The following MASP2 variants were observed in gnomAD, a reference collection of about 807,000 sequenced individuals.
The protein encoded by MASP2 is MBL associated serine protease 2, also known as mannan-binding lectin serine protease 2.
In MASP2, 49 loss-of-function variants were observed where a neutral mutation model predicts 57.1. The observed-to-expected ratio is 0.86, with a 90% CI of 0.68 to 1.09. MASP2 has a LOEUF of 1.09. Ranked by LOEUF, MASP2 falls within the 50% of genes least tolerant of loss-of-function variation. The pLI, the probability that MASP2 is intolerant of heterozygous loss-of-function variation, is 0.00. For synonymous variants in MASP2, 379 were observed against 340.8 expected (o/e 1.11, Z -1.24); for missense variants, 900 against 874.8 (o/e 1.03, Z -0.36).
intron 9 of MASP2, chr1:11,030,464 G>T: frequency 1.7e-6 from 1 of 581,228 alleles, no homozygotes; most frequent in East Asian, 2.9e-5. Flanking sequence ...ACTTGAATAT[G>T]TATCAAGATC....
At chr1:11,031,007 A>G (rs566736089) in intron 8 of MASP2, 125 bp from the exon 9 acceptor site, 43 of 929,354 alleles carry the variant, frequency 4.6e-5, no homozygotes, top group Non-Finnish European at 6.0e-5. Flanking sequence ...GTTTGAGACC[A>G]GCCTGGGCAA....
intron 10 of MASP2, chr1:11,029,964 AAG>A: frequency 2.1e-6 from 1 of 465,976 alleles, no homozygotes; most frequent in East Asian, 3.8e-5. Context: ...TATAAGGTCA[AAG>A]AGAATCAAAT....
intron 8 of MASP2, among the ~76,000 whole-genome samples, chr1:11,032,127 TGAG>T (rs1643856358): frequency 1.3e-5 from 2 of 151,808 alleles, no homozygotes; most frequent in Non-Finnish European, 1.5e-5. Context: ...TCCAAGCTAC[TGAG>T]GAGGCTGAGA....
intron 9 of MASP2, chr1:11,030,533 G>T (rs1643826552): frequency 1.2e-5 from 7 of 582,408 alleles, no homozygotes; most frequent in Non-Finnish European, 2.1e-5. Flanking sequence ...AATACATTGT[G>T]TGTTTGTAGT....
At chr1:11,044,973 G>C (rs746666229) in intron 4 of MASP2, 2 of 1,610,154 alleles carry the variant, frequency 1.2e-6, no homozygotes, top group South Asian at 2.2e-5. Flanking sequence ...AGATCAGAGA[G>C]GCAAGGAGAG....
chr1:11,042,259 G>C (rs917472048), intron 6 of MASP2, among the ~76,000 whole-genome samples: 4 of 150,626 alleles, frequency 2.7e-5, no homozygotes, highest in Non-Finnish European at 4.4e-5. Flanking sequence ...TGGGTAGAAG[G>C]ATGGGTGGAT....
chr1:11,029,049 G>A (rs1429634657), intron 10 of MASP2, among the ~76,000 whole-genome samples: 1 of 148,718 alleles, frequency 6.7e-6, no homozygotes, highest in Admixed American at 6.7e-5. Context: ...CTGGAGTGCA[G>A]TGGCGCAATC....
At position 11,034,319 on chromosome 1, in the gene MASP2, GTT is replaced by G. The variant is rs1353632860; in HGVS notation, c.1087+507_1087+508del. Among the ~76,000 whole-genome samples, 3 of 149,994 alleles carry G rather than the reference GTT, an allele frequency of 2.0e-5. No homozygotes were observed. The East Asian group carries it at 5.9e-4, about 29-fold the overall frequency. On this transcript the variant is annotated intron_variant, in intron 8 of 10. Coordinates refer to ENST00000400897, the MANE Select transcript of MASP2 (RefSeq NM_006610.4). Reference sequence around the variant, plus strand: ...ATACCTTCCCTAGTAGGTTGGTTCTGTTTTAACCTCTAAGAATGCACTGAGAG... The same window carrying G: ...ATACCTTCCCTAGTAGGTTGGTTCTGTTAACCTCTAAGAATGCACTGAGAG...
At chr1:11,035,149 G>C (rs1458052780) in intron 7 of MASP2, among the ~76,000 whole-genome samples, 2 of 152,116 alleles carry the variant, frequency 1.3e-5, no homozygotes, top group African/African-American at 4.8e-5. Context: ...TCACTCAACA[G>C]GTATTGGCAT....
intron 4 of MASP2, chr1:11,044,876 A>G (rs1638578620): frequency 1.3e-6 from 2 of 1,577,046 alleles, no homozygotes; most frequent in African/African-American, 1.3e-5. Context: ...CCCAACCCGG[A>G]GCTGAGGCCA....
intron 8 of MASP2, among the ~76,000 whole-genome samples, chr1:11,032,239 GC>G (rs1002991493): frequency 6.6e-6 from 1 of 152,082 alleles, no homozygotes; most frequent in Admixed American, 6.5e-5. Context: ...ACATAAAATT[GC>G]CCCCCTTTTC....
At chr1:11,031,139 C>T (rs1441786022) in intron 8 of MASP2, among the ~76,000 whole-genome samples, 1 of 151,946 alleles carries the variant, frequency 6.6e-6, no homozygotes, top group Non-Finnish European at 1.5e-5. Context: ...GAGGGGGAGT[C>T]GTCCATGTGG....
intron 6 of MASP2, among the ~76,000 whole-genome samples, chr1:11,041,599 G>GTGGA (rs555313272): frequency 0.074 from 8,733 of 117,432 alleles, 554 homozygotes; most frequent in African/African-American, 0.17. Context: ...TGGATGGATG[G>GTGGA]TGGATGGATG....
chr1:11,032,700 G>T (rs542854642), intron 8 of MASP2, among the ~76,000 whole-genome samples: 3 of 151,802 alleles, frequency 2.0e-5, no homozygotes, highest in Non-Finnish European at 4.4e-5. Flanking sequence ...CTTGAAGTCA[G>T]GAGTTCAAGA....
chr1:11,034,847 C>G lies in MASP2; in HGVS notation c.1068G>C (p.Arg356=). 1 of 1,612,296 alleles carries G rather than the reference C, an allele frequency of 6.2e-7. No individual in the cohort carries two copies. Among genetic ancestry groups the G allele is most frequent in the East Asian group, 2.2e-5 (1 of 44,758 alleles). Reference sequence around the variant, plus strand: ...CCGTACTGCTGCACGCGGGCATTGGCCGGTCCCAAGATCCATCTTTCTGAC... The same window carrying G: ...CCGTACTGCTGCACGCGGGCATTGGGCGGTCCCAAGATCCATCTTTCTGAC... ...AVCQKDGSWD[R]PMPACSIVDC... Residue 356 remains arginine, a synonymous_variant, in exon 8 of 11, where the codon CGG becomes CGC. Transcript: ENST00000400897.
rs954982431 is a variant in MASP2, at chr1:11,046,915, G to A, written c.210C>T (p.His70=). 6.4e-7 allele frequency: 1 copy of A among 1,572,104 alleles called. No homozygotes were observed. Among genetic ancestry groups the A allele is most frequent in the Non-Finnish European group, 8.6e-7 (1 of 1,158,408 alleles). ...YFTHFDLELS[H]LCEYDFVKLS... is the part of the protein sequence containing the mutation. ...CCTTGACGAAGTCGTACTCGCAGAG[G>A]TGGGAGAGCTCCAGGTCGAAGTGGG... The change falls in exon 2 of 11, where the codon CAC becomes CAT. Residue 70 remains histidine (H), a synonymous_variant. Coordinates refer to ENST00000400897, the MANE Select transcript of MASP2 (RefSeq NM_006610.4).
intron 5 of MASP2, 84 bp downstream of exon 5, chr1:11,043,255 T>C (rs1212368845): frequency 8.0e-7 from 1 of 1,242,240 alleles, no homozygotes; most frequent in East Asian, 2.5e-5. Context: ...GGGAACGTGG[T>C]GGGGGCCATG....
intron 3 of MASP2, 88 bp from the exon 4 acceptor site, chr1:11,045,627 G>C (rs1022263597): frequency 7.7e-6 from 11 of 1,437,900 alleles, no homozygotes; most frequent in Non-Finnish European, 9.3e-6. Context: ...CATGACCTCA[G>C]AGTGGACCTC....
intron 8 of MASP2, 56 bp downstream of exon 8, chr1:11,034,772 A>G: frequency 8.9e-7 from 1 of 1,122,940 alleles, no homozygotes; most frequent in Admixed American, 2.6e-5. Context: ...CAGCAACAGT[A>G]GCAGCAGAGG....
Sources: allele counts gnomAD v4.1 joint callset (sites outside exome capture counted in the v4.1 genomes callset), GRCh38; gene constraint gnomAD v4.1.1; transcripts MANE v1.5; gene names NCBI Gene and HGNC (gene_info 2026-07-23, HGNC 2026-07-21).